Variants in KDM4C observed in about 807,000 individuals in gnomAD.
KDM4C encodes the protein lysine-specific demethylase 4C.
Under a neutral mutation model 129.3 loss-of-function variants are expected in KDM4C, and 81 were observed. The observed-to-expected ratio is 0.63, with a 90% CI of 0.52 to 0.75. The LOEUF (loss-of-function observed/expected upper bound fraction) is 0.75, where lower values mean the gene tolerates loss of function less well. KDM4C is among the 30% of genes least tolerant of loss of function. The pLI is 0.00. For synonymous variants in KDM4C, 573 were observed against 456.1 expected, an observed-to-expected ratio of 1.26 and a Z score of -3.26; for missense variants, 1,457 against 1,304.0, an observed-to-expected ratio of 1.12 and a Z score of -1.81.
intron 5 of KDM4C, among the ~76,000 whole-genome samples, chr9:6,862,608 G>C (rs1373726203): frequency 6.6e-6 from 1 of 152,086 alleles, no homozygotes; most frequent in Non-Finnish European, 1.5e-5. Context: ...TTCGAGACCA[G>C]CCTGGCCAAC....
At chr9:6,845,810 C>T (rs188288191) in intron 4 of KDM4C, among the ~76,000 whole-genome samples, 1 of 152,324 alleles carries the variant, frequency 6.6e-6, no homozygotes, top group East Asian at 1.9e-4. Flanking sequence ...CATGTGCCTG[C>T]TGAACATGTG....
rs547096917 is a variant in KDM4C at position 6,937,214 on chromosome 9, G to C, written c.922-43711G>C. Reference sequence around the variant, plus strand: ...AGGTGTGAGCCGCCTCACCCAGCGAGTAATTAAAAATTTACTCTCCTTGTT... The same window carrying C: ...AGGTGTGAGCCGCCTCACCCAGCGACTAATTAAAAATTTACTCTCCTTGTT... On this transcript the variant is annotated intron_variant, in intron 8 of 21. Transcript: ENST00000381309. 3.3e-5 allele frequency among the ~76,000 whole-genome samples: 5 copies of C among 152,232 alleles called. No individual in the cohort carries two copies. The South Asian group carries it at 1.0e-3, about 32-fold the overall frequency.
At chr9:6,913,335 A>C (rs2131105690) in intron 8 of KDM4C, among the ~76,000 whole-genome samples, 1 of 152,378 alleles carries the variant, frequency 6.6e-6, no homozygotes, top group East Asian at 1.9e-4. Flanking sequence ...GTAATTAGGT[A>C]ATCTTGAAGG....
intron 1 of KDM4C, among the ~76,000 whole-genome samples, chr9:6,787,315 C>T (rs2130821208): frequency 1.3e-5 from 2 of 152,346 alleles, no homozygotes; most frequent in Middle Eastern, 6.8e-3. Flanking sequence ...TCACTGCAAC[C>T]TCCGCCCCCG....
At chr9:6,909,411 A>G (rs1818877415) in intron 8 of KDM4C, among the ~76,000 whole-genome samples, 1 of 152,206 alleles carries the variant, frequency 6.6e-6, no homozygotes, top group African/African-American at 2.4e-5. Flanking sequence ...TGGGTGTGTG[A>G]TGACCATCTG....
chr9:6,768,398 A>G (rs1337942698), intron 1 of KDM4C, among the ~76,000 whole-genome samples: 1 of 151,200 alleles, frequency 6.6e-6, no homozygotes, highest in African/African-American at 2.4e-5. Context: ...GATATTCTAT[A>G]TAAATTTATG....
At chr9:7,072,392 A>G (rs1833326544) in intron 17 of KDM4C, among the ~76,000 whole-genome samples, 1 of 152,226 alleles carries the variant, frequency 6.6e-6, no homozygotes, top group Admixed American at 6.5e-5. Flanking sequence ...CAACTGGGGA[A>G]TGAATTCTCA....
chr9:6,937,844 T>C (rs1180135480), intron 8 of KDM4C, among the ~76,000 whole-genome samples: 1 of 152,126 alleles, frequency 6.6e-6, no homozygotes, highest in Non-Finnish European at 1.5e-5. Flanking sequence ...CCTGAGTAGC[T>C]GGGACTACAT....
intron 8 of KDM4C, chr9:6,975,003 C>G (rs1331520902): frequency 6.6e-6 from 1 of 152,194 alleles, no homozygotes; most frequent in Non-Finnish European, 1.5e-5. Flanking sequence ...GACCCCGGAG[C>G]AAACTATTTG....
intron 8 of KDM4C, among the ~76,000 whole-genome samples, chr9:6,960,082 A>T (rs1041616054): frequency 6.6e-6 from 1 of 151,832 alleles, no homozygotes; most frequent in Admixed American, 6.6e-5. Flanking sequence ...TCCCTGAGAG[A>T]TTCCTTAGGG....
At chr9:6,772,610 C>G (rs1822105611) in intron 1 of KDM4C, among the ~76,000 whole-genome samples, 2 of 152,134 alleles carry the variant, frequency 1.3e-5, no homozygotes, top group Non-Finnish European at 2.9e-5. Context: ...ATCTGTCCAC[C>G]TCGGCCTCCC....
chr9:7,157,104 T>A (rs1042254815), intron 19 of KDM4C, among the ~76,000 whole-genome samples: 2 of 152,238 alleles, frequency 1.3e-5, no homozygotes, highest in African/African-American at 4.8e-5. Flanking sequence ...TATTTTATTT[T>A]CTTTGTAGCA....
chr9:7,055,251 A>C (rs1027095763), intron 17 of KDM4C, among the ~76,000 whole-genome samples: 1 of 152,214 alleles, frequency 6.6e-6, no homozygotes, highest in Non-Finnish European at 1.5e-5. Context: ...GTGGTGTAGC[A>C]CAGTGCCTTT....
At chr9:6,864,089 T>G (rs542371812) in intron 5 of KDM4C, among the ~76,000 whole-genome samples, 14 of 152,334 alleles carry the variant, frequency 9.2e-5, no homozygotes, top group Admixed American at 3.3e-4. Context: ...TTAGTGGGTT[T>G]TGCATCTTTA....
chr9:7,137,975 C>G (rs1841384747), intron 19 of KDM4C, among the ~76,000 whole-genome samples: 1 of 152,154 alleles, frequency 6.6e-6, no homozygotes, highest in South Asian at 2.1e-4. Flanking sequence ...GCAACATTAC[C>G]TTCATTTTAT....
In KDM4C at chr9:6,800,083, AAAG is replaced by A. The variant is rs1828647634; in HGVS notation, c.145-5515_145-5513del. ...TCCAAAAAAAAAATAAATAAATAAA[AAAG>A]GCCAGGCACAGTGACTCACGCCTGT... On this transcript the variant is annotated intron_variant, in intron 2 of 21. Coordinates refer to ENST00000381309, the MANE Select transcript of KDM4C (RefSeq NM_015061.6). 2.6e-5 allele frequency among the ~76,000 whole-genome samples: 4 copies of A among 151,750 alleles called. No homozygotes were observed. The South Asian group carries it at 8.3e-4, about 32-fold the overall frequency.
intron 3 of KDM4C, among the ~76,000 whole-genome samples, chr9:6,807,611 G>A (rs912985655): frequency 1.5e-4 from 23 of 149,888 alleles, no homozygotes; most frequent in African/African-American, 5.4e-4. Flanking sequence ...CTGCCCAGCC[G>A]CCCCGTCTGA....
At chr9:6,747,987 G>A (rs1425866462) in intron 1 of KDM4C, among the ~76,000 whole-genome samples, 1 of 152,016 alleles carries the variant, frequency 6.6e-6, no homozygotes, top group African/African-American at 2.4e-5. Context: ...AGAGCAGCCT[G>A]GGCAATATGG....
At chr9:6,929,464 ACTTTTT>A (rs1455788054) in intron 8 of KDM4C, among the ~76,000 whole-genome samples, 2 of 135,990 alleles carry the variant, frequency 1.5e-5, no homozygotes, top group African/African-American at 2.8e-5. Flanking sequence ...ATCCTGTTTG[ACTTTTT>A]CTTTTTTTTT....
Sources: allele counts gnomAD v4.1 joint callset (sites outside exome capture counted in the v4.1 genomes callset), GRCh38; gene constraint gnomAD v4.1.1; transcripts MANE v1.5; gene names NCBI Gene and HGNC (gene_info 2026-07-23, HGNC 2026-07-21).